Variants in ROBO2 observed in about 807,000 individuals in gnomAD.
ROBO2 encodes the protein roundabout guidance receptor 2, also known as roundabout homolog 2.
A neutral mutation model predicts 160.8 loss-of-function variants in ROBO2; 53 were observed. That is an observed-to-expected ratio of 0.33 (90% CI 0.26 to 0.41). ROBO2 has a LOEUF of 0.41. Among genes scored for constraint, ROBO2 ranks in the 10% least tolerant of loss-of-function variants. The probability of loss-of-function intolerance (pLI) is 1.00; values close to 1 mark genes in which losing one functional copy is unlikely to be tolerated. For missense variants in ROBO2, 1,577 were observed against 1,722.4 expected (o/e 0.92, Z 1.49); for synonymous variants, 664 against 611.7 (o/e 1.09, Z -1.26).
intron 2 of ROBO2, among the ~76,000 whole-genome samples, chr3:77,236,365 C>A (rs2087978332): frequency 6.6e-6 from 1 of 152,132 alleles, no homozygotes; most frequent in African/African-American, 2.4e-5. Flanking sequence ...GGTAAATGTT[C>A]ATCGGACTTA....
intron 2 of ROBO2, among the ~76,000 whole-genome samples, chr3:76,003,723 G>T (rs905864833): frequency 1.3e-5 from 2 of 152,214 alleles, no homozygotes; most frequent in Admixed American, 6.5e-5. Context: ...TACAGGACCA[G>T]TGTTGGAATT....
intron 2 of ROBO2, among the ~76,000 whole-genome samples, chr3:77,469,331 C>A (rs2083112231): frequency 6.6e-6 from 1 of 152,058 alleles, no homozygotes; most frequent in Admixed American, 6.6e-5. Flanking sequence ...TCGGTCTCCC[C>A]CTGGGGTCAA....
At chr3:76,325,716 T>TTA (rs1553706899) in intron 2 of ROBO2, among the ~76,000 whole-genome samples, 1 of 145,228 alleles carries the variant, frequency 6.9e-6, no homozygotes, top group Non-Finnish European at 1.5e-5. Context: ...AAGGCCAAAT[T>TTA]AAAAAAAAAA....
At chr3:77,288,896 A>G (rs909207366) in intron 2 of ROBO2, among the ~76,000 whole-genome samples, 1 of 151,500 alleles carries the variant, frequency 6.6e-6, no homozygotes, top group Non-Finnish European at 1.5e-5. Context: ...TAGTAAAATT[A>G]TCATTGAAAG....
intron 2 of ROBO2, among the ~76,000 whole-genome samples, chr3:76,429,744 A>G (rs575989028): frequency 5.3e-5 from 8 of 152,318 alleles, no homozygotes; most frequent in African/African-American, 1.9e-4. Flanking sequence ...ATTCTTCAAC[A>G]GTAAATATGA....
chr3:77,646,229 T>G (rs2095411816), exon 26 of ROBO2: 2 of 451,432 alleles, frequency 4.4e-6, no homozygotes, highest in Non-Finnish European at 4.0e-6. Context: ...CATTGTGTTC[T>G]TCTCTTAAGT....
At chr3:77,066,893 C>G (rs979260624) in intron 1 of ROBO2, among the ~76,000 whole-genome samples, 54 of 152,140 alleles carry the variant, frequency 3.5e-4, no homozygotes, top group Middle Eastern at 6.8e-3. Flanking sequence ...TAAAAATCAA[C>G]ACCCATTTTT....
chr3:77,603,717 T>G (rs942197709), intron 20 of ROBO2: 20 of 152,140 alleles, frequency 1.3e-4, no homozygotes, highest in African/African-American at 4.1e-4. Flanking sequence ...TGGACAAAAA[T>G]ATATACCTAT....
At chr3:76,141,159 C>CTCTATA (rs1364431015) in intron 2 of ROBO2, among the ~76,000 whole-genome samples, 7 of 9,174 alleles carry the variant, frequency 7.6e-4, no homozygotes, top group Admixed American at 2.2e-3. Flanking sequence ...CTCTCTCTCT[C>CTCTATA]TATATATATA....
intron 2 of ROBO2, among the ~76,000 whole-genome samples, chr3:76,446,528 T>G (rs2077190747): frequency 6.6e-6 from 1 of 152,070 alleles, no homozygotes; most frequent in Non-Finnish European, 1.5e-5. Flanking sequence ...TTCACAGAAT[T>G]GGAAAAAACT....
chr3:76,798,168 AAGGGAG>A (rs1313284456), intron 2 of ROBO2, among the ~76,000 whole-genome samples: 42 of 128,294 alleles, frequency 3.3e-4, no homozygotes, highest in African/African-American at 5.6e-4. Flanking sequence ...GAAAGAAAGA[AAGGGAG>A]AGAAAGAAAG....
intron 2 of ROBO2, among the ~76,000 whole-genome samples, chr3:76,912,895 A>G (rs1445838576): frequency 6.6e-6 from 1 of 152,180 alleles, no homozygotes; most frequent in Non-Finnish European, 1.5e-5. Flanking sequence ...ATAAAGAAGT[A>G]CAATGATCCA....
intron 2 of ROBO2, among the ~76,000 whole-genome samples, chr3:76,274,365 T>C (rs1270694741): frequency 6.6e-6 from 1 of 151,938 alleles, no homozygotes; most frequent in Non-Finnish European, 1.5e-5. Flanking sequence ...AAAAAAAGAA[T>C]TTTCAGCATG....
At chr3:77,193,902 A>G (rs1170731998) in intron 2 of ROBO2, among the ~76,000 whole-genome samples, 4 of 152,162 alleles carry the variant, frequency 2.6e-5, no homozygotes, top group Non-Finnish European at 5.9e-5. Context: ...GCTACTAGGA[A>G]TTATTTATTT....
At chr3:76,951,871 A>G (rs1266205116) in intron 2 of ROBO2, among the ~76,000 whole-genome samples, 1 of 152,214 alleles carries the variant, frequency 6.6e-6, no homozygotes, top group African/African-American at 2.4e-5. Context: ...CTAAAGCCCC[A>G]ACCGTAGGCA....
chr3:76,649,930 T>C (rs2091174278), intron 2 of ROBO2, among the ~76,000 whole-genome samples: 1 of 152,156 alleles, frequency 6.6e-6, no homozygotes, highest in Admixed American at 6.6e-5. Flanking sequence ...AGATCATATA[T>C]TGTTATTATT....
intron 2 of ROBO2, among the ~76,000 whole-genome samples, chr3:76,953,844 G>A (rs1360815862): frequency 6.6e-6 from 1 of 151,804 alleles, no homozygotes; most frequent in East Asian, 1.9e-4. Flanking sequence ...GTGTGTGTGT[G>A]CCCACACAGG....
At chr3:77,337,003 G>A (rs1024215130) in intron 2 of ROBO2, among the ~76,000 whole-genome samples, 1 of 152,244 alleles carries the variant, frequency 6.6e-6, no homozygotes, top group African/African-American at 2.4e-5. Flanking sequence ...AAATAAATAC[G>A]AGTTCTAGAA....
rs939726671 is a variant in ROBO2, at chr3:76,958,166, C to T, written c.110-139848C>T. On this transcript the variant is annotated intron_variant, in intron 2 of 26. Transcript: ENST00000487694. Reference sequence around the variant, plus strand: ...TAAGAGCTGCCTCGTTTCATTGCTGCGACCATTGCAAGCTAAGGTCTTCAG... The same window carrying T: ...TAAGAGCTGCCTCGTTTCATTGCTGTGACCATTGCAAGCTAAGGTCTTCAG... Among the ~76,000 whole-genome samples the T allele has an allele frequency of 5.9e-5, 9 of 152,332 alleles. 1 individual carries two copies. Among genetic ancestry groups the T allele is most frequent in the Admixed American group, 2.0e-4 (3 of 15,312 alleles).
Sources: gnomAD v4.1 joint callset for allele counts (sites outside exome capture counted in the v4.1 genomes callset) on GRCh38, gnomAD v4.1.1 for gene constraint, MANE v1.5 for transcripts, NCBI Gene and HGNC (gene_info 2026-07-23, HGNC 2026-07-21) for gene names.